The following KIAA0825 variants were observed in gnomAD, a reference collection of about 807,000 sequenced individuals.
KIAA0825 encodes the protein uncharacterized protein KIAA0825.
A neutral mutation model predicts 147.6 loss-of-function variants in KIAA0825; 119 were observed. The ratio of observed to expected loss-of-function variants is 0.81; its 90% CI spans 0.69 to 0.94. The LOEUF is 0.94. Ranked by LOEUF, KIAA0825 falls within the 40% of genes least tolerant of loss-of-function variation. The pLI is 0.00. For missense variants in KIAA0825, 1,381 were observed against 1,472.7 expected (o/e 0.94, Z 1.02); for synonymous variants, 470 against 518.1 (o/e 0.91, Z 1.26).
chr5:94,231,730 C>CAA (rs889567588), intron 20 of KIAA0825, among the ~76,000 whole-genome samples: 3 of 152,080 alleles, frequency 2.0e-5, no homozygotes, highest in African/African-American at 4.8e-5. Flanking sequence ...TAATGTTTAT[C>CAA]ATGACATTAT....
At chr5:94,272,339 G>A (rs560932311) in intron 20 of KIAA0825, among the ~76,000 whole-genome samples, 1 of 151,954 alleles carries the variant, frequency 6.6e-6, no homozygotes, top group African/African-American at 2.4e-5. Flanking sequence ...AACTAAAAGA[G>A]TATCACTGGA....
chr5:94,259,559 T>C (rs1205801643), intron 20 of KIAA0825, among the ~76,000 whole-genome samples: 1 of 152,036 alleles, frequency 6.6e-6, no homozygotes, highest in Non-Finnish European at 1.5e-5. Flanking sequence ...TTTTCCTCTA[T>C]AGTCTATTAG....
intron 1 of KIAA0825, chr5:94,593,529 G>A (rs777063369): frequency 1.4e-4 from 84 of 605,384 alleles, no homozygotes; most frequent in Non-Finnish European, 2.4e-4. Context: ...GCTTTGTAAA[G>A]TTTTTTGTAG....
chr5:94,424,280 T>A (rs1392794546), intron 14 of KIAA0825, among the ~76,000 whole-genome samples: 2 of 152,094 alleles, frequency 1.3e-5, no homozygotes, highest in Admixed American at 1.3e-4. Context: ...ATAGACCATA[T>A]GTTAGAAGCC....
intron 14 of KIAA0825, among the ~76,000 whole-genome samples, chr5:94,427,332 A>G (rs1479613312): frequency 1.3e-5 from 2 of 152,012 alleles, no homozygotes; most frequent in Non-Finnish European, 2.9e-5. Context: ...CCAGGAGTTC[A>G]AGACCAGCCT....
intron 20 of KIAA0825, among the ~76,000 whole-genome samples, chr5:94,157,064 T>A (rs1342919699): frequency 6.6e-6 from 1 of 152,194 alleles, no homozygotes; most frequent in Non-Finnish European, 1.5e-5. Context: ...GTTAAAAATC[T>A]TTATTCCTAA....
intron 20 of KIAA0825, among the ~76,000 whole-genome samples, chr5:94,199,593 G>T (rs1362333558): frequency 1.3e-5 from 2 of 152,084 alleles, no homozygotes. Flanking sequence ...GGGAAGTTGG[G>T]GGACCACACA....
At position 94,152,842 on chromosome 5, in the gene KIAA0825, AAAAAAAAAAAAAATTATAT is replaced by A. The variant is rs1562283917; in HGVS notation, c.*1146_*1164del. ...AAATGAAAAAAAAAAAAAAAAAAAA[AAAAAAAAAAAAAATTATAT>A]ATATATATATATATATATATATATA... On this transcript the variant is annotated 3_prime_UTR_variant, in exon 21 of 21. Transcript: ENST00000682413. The A allele has an allele frequency of 7.1e-4, 25 of 35,272 alleles. 2 individuals are homozygous for A. Among genetic ancestry groups the A allele is most frequent in the Non-Finnish European group, 1.3e-3 (23 of 17,878 alleles). The allele number at this position is 35,272 out of a possible 1,614,324, so 2.2% of individuals were successfully genotyped here.
chr5:94,355,100 G>A (rs1350659734), intron 20 of KIAA0825, among the ~76,000 whole-genome samples: 2 of 152,180 alleles, frequency 1.3e-5, no homozygotes, highest in African/African-American at 4.8e-5. Flanking sequence ...GTTTGTCTAA[G>A]ACCTGGGATT....
intron 20 of KIAA0825, among the ~76,000 whole-genome samples, chr5:94,303,639 T>G (rs1339437518): frequency 6.6e-6 from 1 of 152,120 alleles, no homozygotes; most frequent in Non-Finnish European, 1.5e-5. Context: ...CAAATTCAAG[T>G]TGGCAAGTTA....
At chr5:94,324,637 A>T (rs547628573) in intron 20 of KIAA0825, among the ~76,000 whole-genome samples, 1 of 151,994 alleles carries the variant, frequency 6.6e-6, no homozygotes, top group Non-Finnish European at 1.5e-5. Flanking sequence ...TACTACAGTC[A>T]TTCATATATT....
intron 6 of KIAA0825, among the ~76,000 whole-genome samples, chr5:94,484,359 A>G (rs1021514224): frequency 1.3e-5 from 2 of 151,760 alleles, no homozygotes; most frequent in African/African-American, 4.8e-5. Flanking sequence ...GTAGTCCTAC[A>G]TCATTATTTT....
At chr5:94,331,813 T>C (rs1781297964) in intron 20 of KIAA0825, among the ~76,000 whole-genome samples, 1 of 151,814 alleles carries the variant, frequency 6.6e-6, no homozygotes, top group African/African-American at 2.4e-5. Context: ...CTTGACAAAA[T>C]TCAACATCAA....
chr5:94,445,616 T>C (rs986040936), intron 13 of KIAA0825, among the ~76,000 whole-genome samples: 1 of 152,202 alleles, frequency 6.6e-6, no homozygotes, highest in Admixed American at 6.6e-5. Flanking sequence ...TCAACGAGTA[T>C]GCAAACCAAT....
intron 2 of KIAA0825, among the ~76,000 whole-genome samples, chr5:94,579,923 A>T (rs577492643): frequency 3.3e-5 from 5 of 152,342 alleles, no homozygotes; most frequent in African/African-American, 9.6e-5. Context: ...AACTGTACAC[A>T]TATTCAAACT....
intron 13 of KIAA0825, among the ~76,000 whole-genome samples, chr5:94,442,761 A>C (rs947388453): frequency 1.3e-5 from 2 of 152,174 alleles, no homozygotes; most frequent in Non-Finnish European, 2.9e-5. Flanking sequence ...TTGAGTGCTA[A>C]CTTAAGGATC....
At chr5:94,156,849 G>A (rs1767073304) in intron 20 of KIAA0825, among the ~76,000 whole-genome samples, 1 of 152,074 alleles carries the variant, frequency 6.6e-6, no homozygotes, top group Non-Finnish European at 1.5e-5. Flanking sequence ...TTGAATGAAA[G>A]CATTAGAGAT....
chr5:94,281,945 G>A (rs1053684221), intron 20 of KIAA0825, among the ~76,000 whole-genome samples: 1 of 152,006 alleles, frequency 6.6e-6, no homozygotes, highest in African/African-American at 2.4e-5. Context: ...ACTTAATCAA[G>A]TATTCCGCCA....
chr5:94,312,151 T>G (rs959893520), intron 20 of KIAA0825, among the ~76,000 whole-genome samples: 4 of 151,694 alleles, frequency 2.6e-5, no homozygotes, highest in Non-Finnish European at 4.4e-5. Flanking sequence ...ACTTCTCAAG[T>G]TCTTACACAG....
Sources: allele counts gnomAD v4.1 joint callset (sites outside exome capture counted in the v4.1 genomes callset), GRCh38; gene constraint gnomAD v4.1.1; transcripts MANE v1.5; gene names NCBI Gene and HGNC (gene_info 2026-07-23, HGNC 2026-07-21).